The following PCDH15 variants were observed in gnomAD, a reference collection of about 807,000 sequenced individuals.
PCDH15 encodes protocadherin related 15, also known as protocadherin-15.
Under a neutral mutation model 178.5 loss-of-function variants are expected in PCDH15, and 129 were observed. That is an observed-to-expected ratio of 0.72 (90% CI 0.63 to 0.84). PCDH15 has a LOEUF of 0.84. Among genes scored for constraint, PCDH15 ranks in the 40% least tolerant of loss-of-function variants. The pLI is 0.00. For synonymous variants in PCDH15, 800 were observed against 732.0 expected (o/e 1.09, Z -1.50); for missense variants, 2,230 against 2,099.9 (o/e 1.06, Z -1.21).
chr10:54,057,359 T>A (rs903755837), intron 18 of PCDH15, among the ~76,000 whole-genome samples: 1 of 152,144 alleles, frequency 6.6e-6, no homozygotes, highest in African/African-American at 2.4e-5. Context: ...TTTCCATACA[T>A]CCTCTGAAAT....
chr10:55,322,140 G>A (rs185381886), upstream of PCDH15, among the ~76,000 whole-genome samples: 72 of 152,302 alleles, frequency 4.7e-4, no homozygotes, highest in Non-Finnish European at 8.4e-4. Context: ...TGTTCTTGGG[G>A]TAGTGAATAA....
chr10:54,921,987 T>TC (rs1165116065), intron 2 of PCDH15, among the ~76,000 whole-genome samples: 2 of 152,112 alleles, frequency 1.3e-5, no homozygotes, highest in Admixed American at 6.6e-5. Flanking sequence ...TTGTGAAAAC[T>TC]CACTCACTAT....
At position 55,610,614 on chromosome 10, in the gene PCDH15, G is replaced by C. The variant is rs193230567; in HGVS notation, c.-156+17011C>G. ...TAAAGCTATTTAAATAAAGGGCTAA[G>C]ACGTTTCTGTTTTATATACTTAAGA... On this transcript the variant is annotated intron_variant, in intron 2 of 5. Transcript: ENST00000613346. Among the ~76,000 whole-genome samples, 9 of 152,196 alleles carry C rather than the reference G, an allele frequency of 5.9e-5. No individual in the cohort carries two copies. In the East Asian group the frequency reaches 1.7e-3, roughly 29 times the overall value.
chr10:54,552,884 C>T (rs898981009), intron 2 of PCDH15, among the ~76,000 whole-genome samples: 3 of 151,984 alleles, frequency 2.0e-5, no homozygotes, highest in African/African-American at 7.3e-5. Flanking sequence ...TTTATTTTTC[C>T]ATGAAATGCC....
At chr10:54,317,511 A>G (rs1297097990) in intron 7 of PCDH15, 70 bp from the exon 8 acceptor site, 1 of 1,563,802 alleles carries the variant, frequency 6.4e-7, no homozygotes, top group Admixed American at 1.7e-5. Context: ...GCAGTGGCCC[A>G]TACCTGTAAT....
intron 2 of PCDH15, among the ~76,000 whole-genome samples, chr10:55,413,497 G>A (rs897699616): frequency 2.6e-5 from 4 of 151,576 alleles, no homozygotes; most frequent in Non-Finnish European, 4.4e-5. Context: ...GGGAATAGAC[G>A]AAGTCTGCTC....
chr10:55,163,384 T>C (rs1441330511), intron 2 of PCDH15, among the ~76,000 whole-genome samples: 2 of 152,116 alleles, frequency 1.3e-5, no homozygotes, highest in South Asian at 2.1e-4. Context: ...CAAAGTTATA[T>C]TCAATATATA....
intron 1 of PCDH15, among the ~76,000 whole-genome samples, chr10:55,282,536 T>C (rs993250254): frequency 6.6e-6 from 1 of 152,176 alleles, no homozygotes; most frequent in African/African-American, 2.4e-5. Flanking sequence ...TAGGTCAGGC[T>C]TTCTGAGAGT....
chr10:54,519,005 T>G (rs1397908656), intron 3 of PCDH15, among the ~76,000 whole-genome samples: 1 of 152,134 alleles, frequency 6.6e-6, no homozygotes, highest in African/African-American at 2.4e-5. Context: ...TTGACAAAAT[T>G]CAACAATCCT....
intron 5 of PCDH15, among the ~76,000 whole-genome samples, chr10:54,348,365 C>T (rs946480429): frequency 3.3e-5 from 5 of 152,152 alleles, no homozygotes; most frequent in Admixed American, 1.3e-4. Flanking sequence ...TGAAGTGAGA[C>T]GAGATCGTTT....
chr10:55,251,948 C>A (rs1426113456), intron 1 of PCDH15, among the ~76,000 whole-genome samples: 1 of 152,036 alleles, frequency 6.6e-6, no homozygotes, highest in African/African-American at 2.4e-5. Flanking sequence ...ACAACAACAA[C>A]AAAAATTGGC....
At chr10:54,086,801 G>A (rs1265085767) in intron 16 of PCDH15, among the ~76,000 whole-genome samples, 1 of 152,130 alleles carries the variant, frequency 6.6e-6, no homozygotes, top group Non-Finnish European at 1.5e-5. Flanking sequence ...GTGTCTTAAG[G>A]AGATGTCTGT....
intron 15 of PCDH15, among the ~76,000 whole-genome samples, chr10:54,104,845 CAAA>C (rs56195842): frequency 0.011 from 515 of 48,638 alleles, 1 homozygote; most frequent in Middle Eastern, 0.068. Flanking sequence ...TCAACAACAA[CAAA>C]AAAAAAAAAA....
At chr10:53,905,539 A>G (rs2593137) in intron 25 of PCDH15, among the ~76,000 whole-genome samples, 17,319 of 151,744 alleles carry the variant, frequency 0.11, 1,172 homozygotes, top group African/African-American at 0.18. Context: ...ATTTCTCCAT[A>G]TTGGTGAGGC....
intron 32 of PCDH15, among the ~76,000 whole-genome samples, chr10:53,824,454 G>A (rs886426081): frequency 3.9e-5 from 6 of 152,138 alleles, no homozygotes; most frequent in Non-Finnish European, 2.9e-5. Flanking sequence ...TAGCCATATT[G>A]AAAAATTAGG....
intron 8 of PCDH15, among the ~76,000 whole-genome samples, chr10:54,306,878 G>T (rs1041645339): frequency 6.7e-6 from 1 of 150,016 alleles, no homozygotes; most frequent in African/African-American, 2.4e-5. Context: ...TATGGCTTTT[G>T]TTCTCAACCT....
At chr10:54,184,795 G>T (rs983388695) in intron 12 of PCDH15, among the ~76,000 whole-genome samples, 1 of 151,978 alleles carries the variant, frequency 6.6e-6, no homozygotes, top group African/African-American at 2.4e-5. Flanking sequence ...AATAAAAAAT[G>T]CAAGAACAAC....
At chr10:53,970,618 G>A (rs1035026601) in intron 21 of PCDH15, among the ~76,000 whole-genome samples, 2 of 151,950 alleles carry the variant, frequency 1.3e-5, no homozygotes, top group South Asian at 4.1e-4. Context: ...TTACCACTGA[G>A]CCCACAGAAA....
At chr10:53,875,595 T>C (rs1303579853) in intron 26 of PCDH15, among the ~76,000 whole-genome samples, 2 of 151,922 alleles carry the variant, frequency 1.3e-5, no homozygotes, top group East Asian at 1.9e-4. Flanking sequence ...CTTTTATGAG[T>C]TTCCCTTAGT....
Sources: gnomAD v4.1 joint callset for allele counts (sites outside exome capture counted in the v4.1 genomes callset) on GRCh38, gnomAD v4.1.1 for gene constraint, MANE v1.5 for transcripts, NCBI Gene and HGNC (gene_info 2026-07-23, HGNC 2026-07-21) for gene names.